Variants in ABHD12 observed in about 807,000 individuals in gnomAD.
ABHD12 encodes the protein abhydrolase domain containing 12, lysophospholipase.
Under a neutral mutation model 58.3 loss-of-function variants are expected in ABHD12, and 43 were observed. The observed-to-expected ratio is 0.74, with a 90% CI of 0.58 to 0.95. The LOEUF (loss-of-function observed/expected upper bound fraction) is 0.95. Among genes scored for constraint, ABHD12 ranks in the 40% least tolerant of loss-of-function variants. ABHD12 has a pLI of 0.00. For synonymous variants in ABHD12, 219 were observed against 211.2 expected, an observed-to-expected ratio of 1.04 and a Z score of -0.32; for missense variants, 539 against 537.2, an observed-to-expected ratio of 1.00 and a Z score of -0.03.
intron 1 of ABHD12, among the ~76,000 whole-genome samples, chr20:25,354,913 TTCTCTTTCCTA>T (rs1196652644): frequency 6.6e-6 from 1 of 152,180 alleles, no homozygotes; most frequent in Non-Finnish European, 1.5e-5. Flanking sequence ...TGACTTTGCT[TTCTCTTTCCTA>T]TCTCTTTCTT....
intron 2 of ABHD12, 21 bp from the exon 3 acceptor site, chr20:25,323,451 G>A: frequency 6.8e-7 from 1 of 1,463,100 alleles, no homozygotes; most frequent in East Asian, 2.3e-5. Context: ...TAAAGAGATG[G>A]AAATTAGGAT....
intron 2 of ABHD12, among the ~76,000 whole-genome samples, chr20:25,336,816 G>A (rs1191702265): frequency 1.3e-5 from 2 of 152,230 alleles, no homozygotes; most frequent in African/African-American, 2.4e-5. Flanking sequence ...GGGGCCTGGA[G>A]ATGAGGGTCG....
rs564652647 is a variant in ABHD12 at position 25,342,887 on chromosome 20, A to C, written c.192-3536T>G. On this transcript the variant is annotated intron_variant, in intron 1 of 12. Transcript: ENST00000339157. ...ATAGGTGTGAGCCACAACCTCCCAG[A>C]CTCAAGTGATCCTCCCACCTGAGTC... is the stretch of plus-strand genomic sequence containing the variant. 8.2e-4 allele frequency among the ~76,000 whole-genome samples: 125 copies of C among 151,614 alleles called. 1 individual carries two copies. Among genetic ancestry groups the C allele is most frequent in the Non-Finnish European group, 1.5e-3 (105 of 67,902 alleles).
chr20:25,390,787 C>G lies in ABHD12; in HGVS notation c.-84G>C, dbSNP rs921257064. On this transcript the variant is annotated 5_prime_UTR_variant, in exon 1 of 13. Transcript: ENST00000339157. Reference sequence around the variant, plus strand: ...CGCTCACAGCCGCCGCCACCCAGAGCCCGGAGCCCGGAACCCGCCGCTCCT... The same window carrying G: ...CGCTCACAGCCGCCGCCACCCAGAGGCCGGAGCCCGGAACCCGCCGCTCCT... 4.2e-6 allele frequency: 4 copies of G among 949,248 alleles called. No homozygotes were observed. The highest frequency in any genetic ancestry group is 5.4e-6 in the Non-Finnish European group (4 of 743,258). 58.8% of individuals were successfully genotyped at this position (949,248 alleles called of 1,614,324 possible).
chr20:25,300,957 G>A, intron 12 of ABHD12, 73 bp from the exon 13 acceptor site: 1 of 1,484,900 alleles, frequency 6.7e-7, no homozygotes, highest in Non-Finnish European at 9.3e-7. Flanking sequence ...TCCTCACACT[G>A]CTATCTAAGG....
chr20:25,363,802 T>C (rs567397191), intron 1 of ABHD12, among the ~76,000 whole-genome samples: 1 of 151,548 alleles, frequency 6.6e-6, no homozygotes, highest in Non-Finnish European at 1.5e-5. Flanking sequence ...GAGGCGGAGG[T>C]TGCAGTGAGT....
At chr20:25,384,954 T>C (rs949684486) in intron 1 of ABHD12, among the ~76,000 whole-genome samples, 8 of 151,624 alleles carry the variant, frequency 5.3e-5, no homozygotes, top group Non-Finnish European at 8.8e-5. Flanking sequence ...GCACAAAACA[T>C]GTGTGTGTGT....
At chr20:25,383,509 T>C (rs1407228361) in intron 1 of ABHD12, among the ~76,000 whole-genome samples, 1 of 152,204 alleles carries the variant, frequency 6.6e-6, no homozygotes, top group African/African-American at 2.4e-5. Context: ...ATTCCAGGGC[T>C]AATGAAAGGC....
chr20:25,324,981 C>T (rs1050992744), intron 2 of ABHD12, among the ~76,000 whole-genome samples: 2 of 152,034 alleles, frequency 1.3e-5, no homozygotes, highest in Non-Finnish European at 2.9e-5. Context: ...ATTGCCAGCT[C>T]ACATGACGGA....
chr20:25,358,888 T>A (rs1461460700), intron 1 of ABHD12, among the ~76,000 whole-genome samples: 3 of 152,032 alleles, frequency 2.0e-5, no homozygotes, highest in Non-Finnish European at 4.4e-5. Context: ...TGGATGAAAA[T>A]CCAGAATATA....
intron 2 of ABHD12, among the ~76,000 whole-genome samples, chr20:25,334,786 C>T (rs1249699512): frequency 1.4e-5 from 2 of 148,126 alleles, no homozygotes; most frequent in Non-Finnish European, 3.0e-5. Context: ...CTTCCTTACA[C>T]CTTATACAAA....
intron 1 of ABHD12, among the ~76,000 whole-genome samples, chr20:25,387,038 G>A (rs1392991389): frequency 1.3e-5 from 2 of 152,078 alleles, no homozygotes; most frequent in Non-Finnish European, 2.9e-5. Flanking sequence ...TCATTCCACA[G>A]ATGTACACTG....
intron 1 of ABHD12, among the ~76,000 whole-genome samples, chr20:25,358,401 T>C (rs558736470): frequency 3.9e-5 from 6 of 152,352 alleles, no homozygotes; most frequent in South Asian, 4.1e-4. Context: ...AGTCATGATA[T>C]GCTGCAGGCA....
Position 25,317,605 on chromosome 20 carries a change from C to T in ABHD12, c.543-527G>A, listed in dbSNP as rs372151037. Among the ~76,000 whole-genome samples the T allele has an allele frequency of 4.6e-5, 7 of 152,374 alleles. No homozygotes were observed. In the East Asian group the frequency reaches 1.4e-3, roughly 29 times the overall value. ...CTGCTGTGGCCACCCTGCCTTACAG[C>T]CCTTCACATGTGTGTGCTCTGCACA... On this transcript the variant is annotated intron_variant, in intron 4 of 12. Transcript: ENST00000339157.
At chr20:25,343,023 G>A (rs1326245938) in intron 1 of ABHD12, among the ~76,000 whole-genome samples, 1 of 152,092 alleles carries the variant, frequency 6.6e-6, no homozygotes, top group Non-Finnish European at 1.5e-5. Context: ...TCAAACTCCT[G>A]GGCTAGGGCA....
At chr20:25,312,155 A>G (rs1435095301) in intron 6 of ABHD12, among the ~76,000 whole-genome samples, 1 of 152,004 alleles carries the variant, frequency 6.6e-6, no homozygotes, top group East Asian at 1.9e-4. Context: ...CCTCTCTTAA[A>G]AAAAATAAAA....
chr20:25,353,938 C>G (rs2089635209), intron 1 of ABHD12, among the ~76,000 whole-genome samples: 1 of 152,192 alleles, frequency 6.6e-6, no homozygotes, highest in Non-Finnish European at 1.5e-5. Context: ...GTCTCAAGGT[C>G]TCCCCTGCCG....
intron 12 of ABHD12, among the ~76,000 whole-genome samples, chr20:25,301,291 G>C (rs1251097539): frequency 6.6e-6 from 1 of 152,206 alleles, no homozygotes; most frequent in Admixed American, 6.5e-5. Flanking sequence ...ACTTCCAAAG[G>C]CAACTGGAGA....
At chr20:25,385,477 C>T (rs1395340495) in intron 1 of ABHD12, among the ~76,000 whole-genome samples, 3 of 151,686 alleles carry the variant, frequency 2.0e-5, no homozygotes, top group Non-Finnish European at 2.9e-5. Flanking sequence ...CATAAACCAC[C>T]AAAACTGAAA....
Sources: gnomAD v4.1 joint callset for allele counts (sites outside exome capture counted in the v4.1 genomes callset) on GRCh38, gnomAD v4.1.1 for gene constraint, MANE v1.5 for transcripts, NCBI Gene and HGNC (gene_info 2026-07-23, HGNC 2026-07-21) for gene names.